Variants in PRKCA observed in about 807,000 individuals in gnomAD.
PRKCA encodes protein kinase C alpha type.
In PRKCA, 27 loss-of-function variants were observed where a neutral mutation model predicts 87.0. The observed-to-expected ratio is 0.31, with a 90% CI of 0.23 to 0.43. The LOEUF is 0.43. Among genes scored for constraint, PRKCA ranks in the 20% least tolerant of loss-of-function variants. PRKCA has a pLI of 1.00. For synonymous variants in PRKCA, 329 were observed against 311.1 expected, an observed-to-expected ratio of 1.06 and a Z score of -0.61; for missense variants, 518 against 852.3, an observed-to-expected ratio of 0.61 and a Z score of 4.88.
At chr17:66,767,275 A>T (rs1475331821) in intron 13 of PRKCA, among the ~76,000 whole-genome samples, 1 of 152,196 alleles carries the variant, frequency 6.6e-6, no homozygotes, top group Non-Finnish European at 1.5e-5. Context: ...CCTCATCAGC[A>T]TTATAAGGAA....
intron 3 of PRKCA, among the ~76,000 whole-genome samples, chr17:66,508,084 A>G (rs763550267): frequency 2.8e-4 from 42 of 152,198 alleles, no homozygotes; most frequent in Non-Finnish European, 4.6e-4. Context: ...TCACTGTTTC[A>G]GCCTCTGATG....
At chr17:66,451,606 T>C (rs1450091155) in intron 2 of PRKCA, among the ~76,000 whole-genome samples, 1 of 151,994 alleles carries the variant, frequency 6.6e-6, no homozygotes, top group Non-Finnish European at 1.5e-5. Context: ...TTTGGAGGAG[T>C]AGTTGTACTT....
At chr17:66,773,114 C>A (rs1378279598) in intron 13 of PRKCA, among the ~76,000 whole-genome samples, 3 of 151,896 alleles carry the variant, frequency 2.0e-5, no homozygotes, top group Non-Finnish European at 4.4e-5. Context: ...TCCAGACTCA[C>A]ACCACCACAC....
At chr17:66,636,843 C>T (rs1195162054) in intron 3 of PRKCA, among the ~76,000 whole-genome samples, 1 of 152,162 alleles carries the variant, frequency 6.6e-6, no homozygotes, top group African/African-American at 2.4e-5. Context: ...GGTCAGAACA[C>T]AGGTCTCCAC....
chr17:66,727,690 T>G (rs1010768486), intron 8 of PRKCA, among the ~76,000 whole-genome samples: 7 of 152,170 alleles, frequency 4.6e-5, no homozygotes, highest in African/African-American at 1.7e-4. Context: ...TGAGTTTTCT[T>G]GAAGAAATAG....
intron 3 of PRKCA, among the ~76,000 whole-genome samples, chr17:66,547,610 T>G (rs148135473): frequency 1.8e-4 from 28 of 152,358 alleles, no homozygotes; most frequent in Admixed American, 1.1e-3. Context: ...CTACCTACCC[T>G]GGGTAAGTTC....
intron 2 of PRKCA, among the ~76,000 whole-genome samples, chr17:66,417,052 C>G (rs1037732759): frequency 9.2e-5 from 14 of 152,200 alleles, no homozygotes; most frequent in African/African-American, 3.4e-4. Flanking sequence ...GTGCCCCCTA[C>G]CACGCCCAGC....
rs548659991 is a variant in PRKCA, at chr17:66,642,808, C to T, written c.400+1342C>T. Among the ~76,000 whole-genome samples, 47 of 152,108 alleles carry T rather than the reference C, an allele frequency of 3.1e-4. 1 individual carries two copies. The highest frequency in any genetic ancestry group is 4.3e-4 in the Non-Finnish European group (29 of 67,998). On this transcript the variant is annotated intron_variant, in intron 4 of 16. Coordinates refer to ENST00000413366, the MANE Select transcript of PRKCA (RefSeq NM_002737.3). ...ATTTAATCCCAGCACTTTGGGAGGC[C>T]GAGGCGGGAGGATCACCTGAGGTTA... is the stretch of plus-strand genomic sequence containing the variant.
intron 2 of PRKCA, among the ~76,000 whole-genome samples, chr17:66,495,806 T>C (rs189225169): frequency 6.6e-6 from 1 of 152,094 alleles, no homozygotes; most frequent in Admixed American, 6.6e-5. Context: ...TGACATCAAG[T>C]GATCTACCTG....
chr17:66,304,505 G>A (rs1029007155), intron 1 of PRKCA, among the ~76,000 whole-genome samples: 3 of 152,146 alleles, frequency 2.0e-5, no homozygotes, highest in African/African-American at 7.2e-5. Context: ...TCTAGGCCAG[G>A]GGGAGCTGCA....
intron 8 of PRKCA, among the ~76,000 whole-genome samples, chr17:66,691,968 TAAAC>T (rs1355168935): frequency 9.2e-5 from 14 of 152,340 alleles, no homozygotes; most frequent in South Asian, 4.1e-4. Context: ...GTCAGAGTTC[TAAAC>T]AAACAAACAA....
At chr17:66,742,008 C>T (rs1487049235) in intron 12 of PRKCA, among the ~76,000 whole-genome samples, 16 of 152,238 alleles carry the variant, frequency 1.1e-4, no homozygotes, top group African/African-American at 3.6e-4. Context: ...GAATGGAGGT[C>T]AGGGAGCAAT....
intron 2 of PRKCA, among the ~76,000 whole-genome samples, chr17:66,391,137 C>T (rs1220124819): frequency 6.6e-6 from 1 of 152,144 alleles, no homozygotes; most frequent in Admixed American, 6.5e-5. Context: ...GCTGCGAGTC[C>T]TGAAATGGAG....
chr17:66,786,447 C>T (rs1274468296), intron 14 of PRKCA, among the ~76,000 whole-genome samples: 1 of 152,188 alleles, frequency 6.6e-6, no homozygotes, highest in African/African-American at 2.4e-5. Flanking sequence ...GTCCCCTTCA[C>T]CCCAAATGAA....
intron 3 of PRKCA, among the ~76,000 whole-genome samples, chr17:66,589,146 C>A (rs568006261): frequency 7.6e-4 from 115 of 152,246 alleles, no homozygotes; most frequent in Middle Eastern, 3.4e-3. Flanking sequence ...AAGACTTAGA[C>A]TAGCTTCTTG....
chr17:66,653,809 AC>A (rs146154589), intron 5 of PRKCA, among the ~76,000 whole-genome samples: 18 of 68,746 alleles, frequency 2.6e-4, no homozygotes, highest in South Asian at 1.4e-3. Flanking sequence ...AAAAAAAAAA[AC>A]AAAACCAACA....
intron 3 of PRKCA, among the ~76,000 whole-genome samples, chr17:66,576,274 A>G (rs1969235043): frequency 6.6e-6 from 1 of 152,256 alleles, no homozygotes; most frequent in Non-Finnish European, 1.5e-5. Flanking sequence ...ACCAAAGGAT[A>G]TGTGCATGGG....
intron 8 of PRKCA, among the ~76,000 whole-genome samples, chr17:66,714,569 C>A (rs112862182): frequency 6.6e-6 from 1 of 152,268 alleles, no homozygotes; most frequent in South Asian, 2.1e-4. Flanking sequence ...TGTCTTCTGA[C>A]GCTGCCACCT....
chr17:66,312,037 A>G (rs1327892196), intron 2 of PRKCA, among the ~76,000 whole-genome samples: 1 of 152,084 alleles, frequency 6.6e-6, no homozygotes, highest in Non-Finnish European at 1.5e-5. Flanking sequence ...GCTGCGGTGC[A>G]ATGGTGCAAC....
Sources: gnomAD v4.1 joint callset for allele counts (sites outside exome capture counted in the v4.1 genomes callset) on GRCh38, gnomAD v4.1.1 for gene constraint, MANE v1.5 for transcripts, NCBI Gene and HGNC (gene_info 2026-07-23, HGNC 2026-07-21) for gene names.